LMBR1: variants seen among roughly 807,000 people sequenced by gnomAD.
The protein encoded by LMBR1 is limb region 1 protein homolog.
LMBR1 carries 52 observed loss-of-function variants against 73.9 expected under a neutral mutation model. That is an observed-to-expected ratio of 0.70 (90% confidence interval 0.56 to 0.89). The LOEUF (loss-of-function observed/expected upper bound fraction) is 0.89, where lower values mean the gene tolerates loss of function less well. Ranked by LOEUF, LMBR1 falls within the 40% of genes least tolerant of loss-of-function variation. The pLI, the probability that LMBR1 is intolerant of heterozygous loss-of-function variation, is 0.00. For missense variants in LMBR1, 539 were observed against 579.8 expected, an observed-to-expected ratio of 0.93 and a Z score of 0.72; for synonymous variants, 215 against 209.4, an observed-to-expected ratio of 1.03 and a Z score of -0.23.
intron 15 of LMBR1, among the ~76,000 whole-genome samples, chr7:156,690,741 T>C (rs1338495447): frequency 1.3e-5 from 2 of 152,076 alleles, no homozygotes; most frequent in African/African-American, 2.4e-5. Context: ...AAAAACTAGT[T>C]CCAAGACATC....
At chr7:156,859,502 AT>A (rs1267350277) in intron 1 of LMBR1, among the ~76,000 whole-genome samples, 1 of 152,212 alleles carries the variant, frequency 6.6e-6, no homozygotes, top group Non-Finnish European at 1.5e-5. Flanking sequence ...AGGATGCAGG[AT>A]AAAAAGTTAA....
At chr7:156,813,965 C>T (rs1833510209) in intron 4 of LMBR1, among the ~76,000 whole-genome samples, 1 of 152,082 alleles carries the variant, frequency 6.6e-6, no homozygotes, top group Non-Finnish European at 1.5e-5. Flanking sequence ...TATTTCAATA[C>T]TTAAGCAGAA....
chr7:156,834,507 G>T, intron 2 of LMBR1: 1 of 304,762 alleles, frequency 3.3e-6, no homozygotes, highest in Non-Finnish European at 6.6e-6. Context: ...GGAGGCTGAG[G>T]TTGGAGAATC....
At chr7:156,762,846 A>T (rs80093884) in intron 7 of LMBR1, among the ~76,000 whole-genome samples, 6,109 of 148,558 alleles carry the variant, frequency 0.041, 176 homozygotes, top group Non-Finnish European at 0.049. Flanking sequence ...TGTGAGTGTG[A>T]GTGTGTGTGT....
intron 1 of LMBR1, among the ~76,000 whole-genome samples, chr7:156,864,717 C>A (rs908776901): frequency 1.3e-5 from 2 of 152,156 alleles, no homozygotes; most frequent in Non-Finnish European, 1.5e-5. Context: ...AATTCCAGGG[C>A]CGGGCACAGT....
chr7:156,682,502 C>CTGG lies in LMBR1; in HGVS notation c.*1573_*1575dup, dbSNP rs1805231892. On this transcript the variant is annotated 3_prime_UTR_variant, in exon 17 of 17. Transcript: ENST00000353442. ...TGCTGAGAAATTCACCAGTACTATA[C>CTGG]TGGTGGTATTTACTGAAGCTTGTTT... 1 of 152,186 alleles carries CTGG rather than the reference C, an allele frequency of 6.6e-6. No individual in the cohort carries two copies. Among genetic ancestry groups the CTGG allele is most frequent in the South Asian group, 2.1e-4 (1 of 4,830 alleles). The allele number at this position is 152,186 out of a possible 1,614,324, so 9.4% of individuals were successfully genotyped here.
intron 1 of LMBR1, among the ~76,000 whole-genome samples, chr7:156,869,468 T>C (rs1489981315): frequency 6.6e-6 from 1 of 152,136 alleles, no homozygotes. Flanking sequence ...TACTTTCAAC[T>C]GTAATTTAAG....
At chr7:156,840,268 T>C (rs1197032184) in intron 1 of LMBR1, among the ~76,000 whole-genome samples, 1 of 151,926 alleles carries the variant, frequency 6.6e-6, no homozygotes, top group Non-Finnish European at 1.5e-5. Flanking sequence ...AAATATAAAG[T>C]GTGTCGTATG....
At position 156,692,230 on chromosome 7, in the gene LMBR1, C is replaced by G. The variant is rs565456885; in HGVS notation, c.1226-4039G>C. 2.0e-5 allele frequency among the ~76,000 whole-genome samples: 3 copies of G among 152,286 alleles called. No homozygotes were observed. The East Asian group carries it at 5.8e-4, about 29-fold the overall frequency. ...TAGTTGGGAATACAGGCGCCCACCA[C>G]CACGCCCGGCTAATTTTTGTATTTT... On this transcript the variant is annotated intron_variant, in intron 15 of 16. Coordinates refer to ENST00000353442, the MANE Select transcript of LMBR1 (RefSeq NM_022458.4).
chr7:156,757,555 GA>G (rs1237569707), intron 8 of LMBR1, among the ~76,000 whole-genome samples: 11 of 152,282 alleles, frequency 7.2e-5, no homozygotes, highest in Admixed American at 5.2e-4. Context: ...ATCCTTCTGA[GA>G]GGATCCTTAT....
intron 1 of LMBR1, among the ~76,000 whole-genome samples, chr7:156,842,250 A>G (rs1377522460): frequency 6.7e-6 from 1 of 149,400 alleles, no homozygotes; most frequent in African/African-American, 2.4e-5. Context: ...AGGTGCCCCA[A>G]CCCAGTCAGA....
intron 1 of LMBR1, among the ~76,000 whole-genome samples, chr7:156,879,663 CAAAAA>C (rs751353773): frequency 1.1e-5 from 1 of 92,444 alleles, no homozygotes; most frequent in Non-Finnish European, 2.2e-5. Flanking sequence ...GACTCTGTCT[CAAAAA>C]AAAAAAAAAA....
At chr7:156,738,637 G>A (rs147657896) in intron 9 of LMBR1, among the ~76,000 whole-genome samples, 8 of 152,326 alleles carry the variant, frequency 5.3e-5, no homozygotes, top group African/African-American at 1.7e-4. Flanking sequence ...CTCAGCCACA[G>A]TACAATAGGG....
intron 4 of LMBR1, among the ~76,000 whole-genome samples, chr7:156,801,501 C>CTCCAAGGT (rs1311432790): frequency 3.9e-5 from 6 of 152,198 alleles, no homozygotes; most frequent in African/African-American, 1.4e-4. Flanking sequence ...CCTGCAGTAT[C>CTCCAAGGT]TCCAAGGTAT....
At chr7:156,734,364 C>A in intron 9 of LMBR1, 107 bp from the exon 10 acceptor site, 1 of 608,200 alleles carries the variant, frequency 1.6e-6, no homozygotes, top group South Asian at 3.1e-5. Context: ...TCCTGCTAAT[C>A]AAAAATAACA....
intron 4 of LMBR1, among the ~76,000 whole-genome samples, chr7:156,812,115 A>G (rs960227357): frequency 6.6e-6 from 1 of 152,226 alleles, no homozygotes; most frequent in Admixed American, 6.5e-5. Flanking sequence ...TTATTTCCAA[A>G]TAAGTTCACA....
In LMBR1 at chr7:156,796,478, C is replaced by G. The variant is rs1447325976; in HGVS notation, c.334G>C (p.Ala112Pro). Residue 112 changes from alanine (A) to proline (P), a missense_variant, in exon 5 of 17, where the codon GCT becomes CCT. Physicochemically the swap from Ala to Pro is conservative, Grantham distance 27 (BLOSUM62 -1). Around this residue, in one of 3 missense-constraint regions of LMBR1, gnomAD observed 454 missense variants for 473.4 expected, o/e 0.96. Transcript: ENST00000353442. ...GSLIHGLWNL[A>P]SLFSNLCLFV... Reference sequence around the variant, plus strand: ...AAACAAAGGTTGGAAAAAAGGGAAGCAAGATTCCACAAACCTATAAAAAGG... The same window carrying G: ...AAACAAAGGTTGGAAAAAAGGGAAGGAAGATTCCACAAACCTATAAAAAGG... 2 of 1,601,850 alleles carry G rather than the reference C, an allele frequency of 1.2e-6. No individual in the cohort carries two copies. Among genetic ancestry groups the G allele is most frequent in the Admixed American group, 3.4e-5 (2 of 58,772 alleles).
In LMBR1 at chr7:156,684,011, G is replaced by C. The variant is rs1805487746; in HGVS notation, c.*67C>G. 7.8e-7 allele frequency: 1 copy of C among 1,275,450 alleles called. No individual in the cohort carries two copies. 79.0% of individuals were successfully genotyped at this position (1,275,450 alleles called of 1,614,324 possible). ...CGGTTGAATGGAAATGCTTCTACATGGGACAGGAATGTCGTGAATCTGGAG... is the reference window on the plus strand; with the variant it reads ...CGGTTGAATGGAAATGCTTCTACATCGGACAGGAATGTCGTGAATCTGGAG... On this transcript the variant is annotated 3_prime_UTR_variant, in exon 17 of 17. Transcript: ENST00000353442.
chr7:156,698,222 T>A (rs1043084111), intron 15 of LMBR1, among the ~76,000 whole-genome samples: 1 of 152,212 alleles, frequency 6.6e-6, no homozygotes, highest in African/African-American at 2.4e-5. Flanking sequence ...TCCACCCCTG[T>A]GGCTTTGCAG....
Sources: allele counts gnomAD v4.1 joint callset (sites outside exome capture counted in the v4.1 genomes callset), GRCh38; gene constraint gnomAD v4.1.1; regional missense constraint gnomAD v4.1.1; transcripts MANE v1.5; gene names NCBI Gene and HGNC (gene_info 2026-07-23, HGNC 2026-07-21).